The following FLT1 variants were observed in gnomAD, a reference collection of about 807,000 sequenced individuals.
FLT1 encodes vascular endothelial growth factor receptor 1.
In FLT1, 49 loss-of-function variants were observed where a neutral mutation model predicts 156.3. The ratio of observed to expected loss-of-function variants is 0.31; its 90% CI spans 0.25 to 0.40. The LOEUF is 0.40. Ranked by LOEUF, FLT1 falls within the 10% of genes least tolerant of loss-of-function variation. The probability of loss-of-function intolerance (pLI) is 1.00; values close to 1 mark genes in which losing one functional copy is unlikely to be tolerated. For synonymous variants in FLT1, 594 were observed against 583.8 expected (o/e 1.02, Z -0.25); for missense variants, 1,322 against 1,637.2 (o/e 0.81, Z 3.32).
intron 10 of FLT1, among the ~76,000 whole-genome samples, chr13:28,425,996 C>T (rs1359711791): frequency 6.6e-6 from 1 of 152,144 alleles, no homozygotes; most frequent in Non-Finnish European, 1.5e-5. Context: ...CCATAGCTCA[C>T]CAGTAACTTT....
chr13:28,437,390 AG>A (rs1226208941), intron 4 of FLT1, among the ~76,000 whole-genome samples: 5 of 152,218 alleles, frequency 3.3e-5, no homozygotes, highest in African/African-American at 4.8e-5. Flanking sequence ...TAACTGCCAC[AG>A]CTACCAGCAC....
chr13:28,376,518 A>G (rs1402878335), intron 14 of FLT1, among the ~76,000 whole-genome samples: 30 of 152,220 alleles, frequency 2.0e-4, no homozygotes, highest in Admixed American at 2.0e-3. Flanking sequence ...AAATATTTCC[A>G]GAGAGGGAGG....
At chr13:28,341,727 C>T (rs1395531009) in intron 16 of FLT1, among the ~76,000 whole-genome samples, 1 of 152,098 alleles carries the variant, frequency 6.6e-6, no homozygotes, top group Non-Finnish European at 1.5e-5. Flanking sequence ...CTCTTTGCCT[C>T]CCCCAATCCC....
chr13:28,384,761 A>C, intron 14 of FLT1, 124 bp downstream of exon 14: 1 of 921,210 alleles, frequency 1.1e-6, no homozygotes, highest in Non-Finnish European at 1.8e-6. Flanking sequence ...ACCAGATCCC[A>C]GTGTTTGGGG....
chr13:28,326,071 G>A (rs931409565), intron 20 of FLT1, among the ~76,000 whole-genome samples: 1 of 152,142 alleles, frequency 6.6e-6, no homozygotes, highest in East Asian at 1.9e-4. Context: ...TCAGTGGTAC[G>A]AAGTTGGACT....
intron 3 of FLT1, among the ~76,000 whole-genome samples, chr13:28,447,355 A>T (rs559990587): frequency 0.011 from 1,627 of 149,966 alleles, 33 homozygotes; most frequent in African/African-American, 0.036. Context: ...ATTTTTTTTT[A>T]AAAATTTTTT....
At position 28,357,586 on chromosome 13, in the gene FLT1, G is replaced by A. The variant is rs767691469; in HGVS notation, c.2216C>T (p.Ser739Phe). The A allele has an allele frequency of 8.1e-6, 13 of 1,614,112 alleles. No individual in the cohort carries two copies. The South Asian group carries it at 1.3e-4, about 16-fold the overall frequency. The change falls in exon 15 of 30, where the codon TCT becomes TTT. Residue 739 changes from serine (S) to phenylalanine (F), a missense_variant. Transcript: ENST00000282397. Reference protein sequence around the residue: ...YHCKATNQKGSVESSAYLTVQ... With the variant: ...YHCKATNQKGFVESSAYLTVQ... The stretch of plus-strand genomic sequence containing the variant: ...AGTGAGGTATGCTGAACTTTCCACA[G>A]AGCCCTTCTGGTTGGTGGCTTTGCA...
chr13:28,439,840 A>T lies in FLT1; in HGVS notation c.389-1495T>A, dbSNP rs1268672948. On this transcript the variant is annotated intron_variant, in intron 3 of 29. Transcript: ENST00000282397. The surrounding 1 kb of genome is among the most constrained non-coding windows in gnomAD (Gnocchi z 4.1). ...TTTCAGAAGGGGCATGGCCCAGATG[A>T]TTTGATTTCAGACTTAGAGTTTCCA... is the stretch of plus-strand genomic sequence containing the variant. Among the ~76,000 whole-genome samples the T allele has an allele frequency of 1.3e-5, 2 of 152,202 alleles. No homozygotes were observed. Among genetic ancestry groups the T allele is most frequent in the Non-Finnish European group, 2.9e-5 (2 of 68,040 alleles).
In FLT1 at chr13:28,368,666, A is replaced by C. The variant is rs1419172239; in HGVS notation, c.2117-10981T>G. The C allele has an allele frequency of 4.6e-6, 4 of 863,394 alleles. No individual in the cohort carries two copies. The Admixed American group carries it at 6.0e-5, about 13-fold the overall frequency. The allele number at this position is 863,394 out of a possible 1,614,324, so 53.5% of individuals were successfully genotyped here. On this transcript the variant is annotated intron_variant, in intron 14 of 29. Coordinates refer to ENST00000282397, the MANE Select transcript of FLT1 (RefSeq NM_002019.4). ...TGGTGACGTTGATGTATACAGTTCTAGGTACACAGTAAATAATCATATCTT... is the reference window on the plus strand; with the variant it reads ...TGGTGACGTTGATGTATACAGTTCTCGGTACACAGTAAATAATCATATCTT...
intron 1 of FLT1, 76 bp from the exon 2 acceptor site, chr13:28,467,693 G>T: frequency 1.3e-6 from 1 of 778,472 alleles, no homozygotes; most frequent in Admixed American, 2.5e-5. Flanking sequence ...TTCCATGAAG[G>T]TGAGTTTTTC....
intron 1 of FLT1, among the ~76,000 whole-genome samples, chr13:28,489,980 C>T (rs1272497116): frequency 1.3e-5 from 2 of 152,204 alleles, no homozygotes; most frequent in African/African-American, 4.8e-5. Context: ...AATTTTAGCA[C>T]TGTAATAATG....
chr13:28,343,980 C>G (rs892904046), intron 16 of FLT1, among the ~76,000 whole-genome samples: 1 of 151,320 alleles, frequency 6.6e-6, no homozygotes, highest in African/African-American at 2.4e-5. Context: ...AAGAAGTCTT[C>G]TACCAGGTGC....
chr13:28,375,393 T>G (rs1873796796), intron 14 of FLT1, among the ~76,000 whole-genome samples: 1 of 152,212 alleles, frequency 6.6e-6, no homozygotes, highest in African/African-American at 2.4e-5. Flanking sequence ...TCAATTTTTT[T>G]TTTTTTGCCA....
chr13:28,359,354 C>A (rs1873024560), intron 14 of FLT1, among the ~76,000 whole-genome samples: 1 of 152,128 alleles, frequency 6.6e-6, no homozygotes, highest in African/African-American at 2.4e-5. Context: ...TGAAAATGGA[C>A]CCTTCTCTCA....
At chr13:28,366,415 T>G (rs1232473401) in intron 14 of FLT1, among the ~76,000 whole-genome samples, 1 of 152,150 alleles carries the variant, frequency 6.6e-6, no homozygotes, top group Non-Finnish European at 1.5e-5. Flanking sequence ...CCTTGATGCC[T>G]GGTTAACATT....
chr13:28,362,310 T>C (rs144878945), intron 14 of FLT1, among the ~76,000 whole-genome samples: 66 of 152,352 alleles, frequency 4.3e-4, no homozygotes, highest in African/African-American at 1.5e-3. Flanking sequence ...TCATGATCAA[T>C]TGAGATAGCT....
intron 14 of FLT1, among the ~76,000 whole-genome samples, chr13:28,378,300 G>C (rs1873932892): frequency 6.6e-6 from 1 of 152,148 alleles, no homozygotes; most frequent in South Asian, 2.1e-4. Flanking sequence ...GCCTGCCTCA[G>C]CCTCCCAAAG....
At chr13:28,339,102 GCA>G (rs1872228614) in intron 17 of FLT1, 64 bp downstream of exon 17, 4 of 1,504,664 alleles carry the variant, frequency 2.7e-6, no homozygotes, top group African/African-American at 1.4e-5. Context: ...ATCTCTCAAA[GCA>G]CAGTGTTTTT....
At chr13:28,351,067 T>C (rs1332847435) in intron 15 of FLT1, among the ~76,000 whole-genome samples, 1 of 152,072 alleles carries the variant, frequency 6.6e-6, no homozygotes, top group Non-Finnish European at 1.5e-5. Flanking sequence ...AGTAATTTTT[T>C]TTCATTGAAA....
Sources: allele counts gnomAD v4.1 joint callset (sites outside exome capture counted in the v4.1 genomes callset), GRCh38; gene constraint gnomAD v4.1.1; non-coding constraint Gnocchi (gnomAD v3.1); transcripts MANE v1.5; gene names NCBI Gene and HGNC (gene_info 2026-07-23, HGNC 2026-07-21).